The following PFDN6 variants were observed in gnomAD, a reference collection of about 807,000 sequenced individuals.
PFDN6 encodes the protein HLA class II region expressed gene KE2.
Under a neutral mutation model 19.3 loss-of-function variants are expected in PFDN6, and 5 were observed. The ratio of observed to expected loss-of-function variants is 0.26; its 90% CI spans 0.14 to 0.55. The LOEUF (loss-of-function observed/expected upper bound fraction) is 0.55. PFDN6 is among the 20% of genes least tolerant of loss of function. The pLI is 0.94. For synonymous variants in PFDN6, 51 were observed against 63.4 expected, an observed-to-expected ratio of 0.80 and a Z score of 0.93; for missense variants, 101 against 149.4, an observed-to-expected ratio of 0.68 and a Z score of 1.69.
Position 33,289,929 on chromosome 6 carries a change from A to T in PFDN6, c.64+9A>T. 6.2e-7 allele frequency: 1 copy of T among 1,603,910 alleles called. No homozygotes were observed. The highest frequency in any genetic ancestry group is 8.5e-7 in the Non-Finnish European group (1 of 1,174,510). ...TCAACAGCTACAGAAGGGTAAGGGA[A>T]CAGGGTCGGTATGGTCTCGCCCAAT... On this transcript the variant is annotated intron_variant, in intron 1 of 3. Coordinates refer to ENST00000374606, the MANE Select transcript of PFDN6 (RefSeq NM_001185181.3).
At position 33,289,939 on chromosome 6, in the gene PFDN6, T is replaced by C. The variant is rs1265991387; in HGVS notation, c.64+19T>C. 6.3e-7 allele frequency: 1 copy of C among 1,594,500 alleles called. No homozygotes were observed. Among genetic ancestry groups the C allele is most frequent in the South Asian group, 1.1e-5 (1 of 88,972 alleles). Reference sequence around the variant, plus strand: ...CAGAAGGGTAAGGGAACAGGGTCGGTATGGTCTCGCCCAATGCACTTACAA... The same window carrying C: ...CAGAAGGGTAAGGGAACAGGGTCGGCATGGTCTCGCCCAATGCACTTACAA... On this transcript the variant is annotated intron_variant, in intron 1 of 3. Coordinates refer to ENST00000374606, the MANE Select transcript of PFDN6 (RefSeq NM_001185181.3).
Position 33,290,630 on chromosome 6 carries a change from ACCT to A in PFDN6, c.261-85_261-83del. 1.3e-5 allele frequency: 20 copies of A among 1,534,972 alleles called. No homozygotes were observed. The South Asian group carries it at 2.4e-4, about 18-fold the overall frequency. On this transcript the variant is annotated intron_variant, in intron 3 of 3. Coordinates refer to ENST00000374606, the MANE Select transcript of PFDN6 (RefSeq NM_001185181.3). ...CCCTCCCCTGGATCTCAAGTTTTCC[ACCT>A]ATCTCTTTCTTGCGTTTAGCACTCT...
Position 33,289,620 on chromosome 6 carries a change from C to A in PFDN6, c.-237C>A, listed in dbSNP as rs957408946. On this transcript the variant is annotated 5_prime_UTR_variant, in exon 1 of 4. Coordinates refer to ENST00000374606, the MANE Select transcript of PFDN6 (RefSeq NM_001185181.3). ...GGGTTTATTACTACTGAAGGAAGAA[C>A]GTGAGTAGGTTAGGATTTCGGTTGA... 3.4e-6 allele frequency: 2 copies of A among 583,464 alleles called. No homozygotes were observed. The highest frequency in any genetic ancestry group is 5.3e-6 in the Non-Finnish European group (2 of 375,622). 36.1% of individuals were successfully genotyped at this position (583,464 alleles called of 1,614,324 possible). A position where few individuals can be genotyped will look rare whatever the true frequency, so the allele number is the denominator to read the frequency against.
Position 33,289,628 on chromosome 6 carries a change from G to A in PFDN6, c.-229G>A, listed in dbSNP as rs1371707445. 3.4e-6 allele frequency: 2 copies of A among 581,062 alleles called. No homozygotes were observed. The highest frequency in any genetic ancestry group is 5.4e-6 in the Non-Finnish European group (2 of 370,866). The allele number at this position is 581,062 out of a possible 1,614,324, so 36.0% of individuals were successfully genotyped here. A position where few individuals can be genotyped will look rare whatever the true frequency, so the allele number is the denominator to read the frequency against. On this transcript the variant is annotated 5_prime_UTR_variant, in exon 1 of 4. Transcript: ENST00000374606. ...TACTACTGAAGGAAGAACGTGAGTA[G>A]GTTAGGATTTCGGTTGAGAGGCTTG...
intron 3 of PFDN6, 71 bp downstream of exon 3, chr6:33,290,521 AC>A: frequency 2.0e-6 from 3 of 1,516,876 alleles, no homozygotes; most frequent in Middle Eastern, 2.2e-4. Context: ...GAGGTGTTGA[AC>A]CATTGCAGAA....
In PFDN6 at chr6:33,290,892, C is replaced by T. The variant is rs1463871219; in HGVS notation, c.*47C>T. The T allele has an allele frequency of 3.3e-6, 5 of 1,526,978 alleles. No homozygotes were observed. The highest frequency in any genetic ancestry group is 2.0e-4 in the Middle Eastern group (1 of 4,980). The allele number at this position is 1,526,978 out of a possible 1,614,324, so 94.6% of individuals were successfully genotyped here. ...GGGGAGGGGAGGGAATGAGGCAGCT[C>T]TAGGATCTATACTGTAGCTAATAAA... is the stretch of plus-strand genomic sequence containing the variant. On this transcript the variant is annotated 3_prime_UTR_variant, in exon 4 of 4. Transcript: ENST00000374606.
chr6:33,289,592 TC>T (rs749106941), upstream of PFDN6: 22 of 669,158 alleles, frequency 3.3e-5, no homozygotes, highest in Non-Finnish European at 4.8e-5. Flanking sequence ...CTTGTTTACT[TC>T]CGGGTTTATT....
chr6:33,290,189 T>C lies in PFDN6; in HGVS notation c.80T>C (p.Met27Thr), dbSNP rs1325615331. The C allele has an allele frequency of 6.2e-7, 1 of 1,614,080 alleles. No homozygotes were observed. Among genetic ancestry groups the C allele is most frequent in the Non-Finnish European group, 8.5e-7 (1 of 1,180,040 alleles). The change falls in exon 2 of 4, where the codon ATG becomes ACG. Residue 27 changes from methionine to threonine, a missense_variant. Physicochemically the swap from Met to Thr is moderately conservative, Grantham distance 81 (BLOSUM62 -1). Around this residue, in one of 2 missense-constraint regions of PFDN6, gnomAD observed 54 missense variants for 108.8 expected, o/e 0.50. Coordinates refer to ENST00000374606, the MANE Select transcript of PFDN6 (RefSeq NM_001185181.3). The part of the protein sequence containing the change: ...QQLQKDLSKS[M>T]SGRQKLEAQL... Reference sequence around the variant, plus strand: ...TCATCCCCAGACTTAAGTAAATCCATGTCGGGGAGGCAGAAACTTGAAGCA... The same window carrying C: ...TCATCCCCAGACTTAAGTAAATCCACGTCGGGGAGGCAGAAACTTGAAGCA...
rs1008084563 is a variant in PFDN6 at position 33,290,398 on chromosome 6, G to A, written c.208G>A (p.Gly70Arg). Residue 70 changes from glycine (G) to arginine (R), a missense_variant, in exon 3 of 4, where the codon GGG becomes AGG. Around this residue, in one of 2 missense-constraint regions of PFDN6, gnomAD observed 54 missense variants for 108.8 expected, o/e 0.50. Coordinates refer to ENST00000374606, the MANE Select transcript of PFDN6 (RefSeq NM_001185181.3). Reference sequence around the variant, plus strand: ...TCCGGTGCTAGTCAAACAGGAGCTGGGGGAGGCTCGGGCCACAGTAGGGAA... The same window carrying A: ...TCCGGTGCTAGTCAAACAGGAGCTGAGGGAGGCTCGGGCCACAGTAGGGAA... ...LGPVLVKQEL[G>R]EARATVGKRL... The A allele has an allele frequency of 6.2e-7, 1 of 1,603,816 alleles. No homozygotes were observed. The highest frequency in any genetic ancestry group is 8.5e-7 in the Non-Finnish European group (1 of 1,174,746).
rs1767202267 is a variant in PFDN6 at position 33,290,195 on chromosome 6, G to C, written c.86G>C (p.Gly29Ala). 3.7e-6 allele frequency: 6 copies of C among 1,614,192 alleles called. No homozygotes were observed. The East Asian group carries it at 1.3e-4, about 36-fold the overall frequency. The change falls in exon 2 of 4, where the codon GGG becomes GCG. Residue 29 changes from glycine (G) to alanine (A), a missense_variant. Physicochemically the swap from Gly to Ala is moderately conservative, Grantham distance 60 (BLOSUM62 0). Coordinates refer to ENST00000374606, the MANE Select transcript of PFDN6 (RefSeq NM_001185181.3). ...LQKDLSKSMS[G>A]RQKLEAQLTE... ...CCAGACTTAAGTAAATCCATGTCGG[G>C]GAGGCAGAAACTTGAAGCACAACTA...
At chr6:33,289,409 A>C, upstream of PFDN6, 7 of 1,308,470 alleles carry the variant, frequency 5.3e-6, no homozygotes, top group Non-Finnish European at 6.8e-6. Context: ...GCAGGTCCGG[A>C]GCCAGGGGCT....
chr6:33,290,010 T>C, intron 1 of PFDN6, 90 bp downstream of exon 1: 1 of 1,360,068 alleles, frequency 7.4e-7, no homozygotes, highest in Non-Finnish European at 1.0e-6. Flanking sequence ...ATCTGGGCCC[T>C]CGCGTGCAGA....
In PFDN6 at chr6:33,290,803, G is replaced by A; in HGVS notation, c.348G>A (p.Gln116=). The A allele has an allele frequency of 6.2e-7, 1 of 1,605,148 alleles. No individual in the cohort carries two copies. The highest frequency in any genetic ancestry group is 1.1e-5 in the South Asian group (1 of 91,036). Residue 116 remains glutamine, a synonymous_variant, in exon 4 of 4, where the codon CAG becomes CAA. Coordinates refer to ENST00000374606, the MANE Select transcript of PFDN6 (RefSeq NM_001185181.3). ...TTGCTCAGCTGCAGCAGGAGTTCCA[G>A]CGGGCCCAGGCAGCAAAGGCAGGGG... ...ETLAQLQQEF[Q]RAQAAKAGAP... is the part of the protein sequence containing the mutation.
rs952153281 is a variant in PFDN6, at chr6:33,290,929, C to T, written c.*84C>T. Reference sequence around the variant, plus strand: ...CTGTAGCTAATAAAATGTAAAAACACCTGGCTCTGTTTCCTGACCAGGCAC... The same window carrying T: ...CTGTAGCTAATAAAATGTAAAAACATCTGGCTCTGTTTCCTGACCAGGCAC... On this transcript the variant is annotated 3_prime_UTR_variant, in exon 4 of 4. Transcript: ENST00000374606. The T allele has an allele frequency of 4.5e-6, 6 of 1,327,950 alleles. No individual in the cohort carries two copies. The highest frequency in any genetic ancestry group is 6.2e-6 in the Non-Finnish European group (6 of 974,070). 82.3% of individuals were successfully genotyped at this position (1,327,950 alleles called of 1,614,324 possible).
chr6:33,290,626 T>G, intron 3 of PFDN6, 90 bp from the exon 4 acceptor site: 1 of 1,531,614 alleles, frequency 6.5e-7, no homozygotes, highest in South Asian at 1.2e-5. Flanking sequence ...ATCTCAAGTT[T>G]TCCACCTATC....
In PFDN6 at chr6:33,289,823, C is replaced by T. The variant is rs762890688; in HGVS notation, c.-34C>T. On this transcript the variant is annotated 5_prime_UTR_variant, in exon 1 of 4. Coordinates refer to ENST00000374606, the MANE Select transcript of PFDN6 (RefSeq NM_001185181.3). ...CTTCCAGAGAGTGAGACCCAGCGCC[C>T]TTGTCTCGCACCCAGTAGGCTTTCA... The T allele has an allele frequency of 1.9e-5, 29 of 1,551,168 alleles. No homozygotes were observed. The South Asian group carries it at 3.1e-4, about 17-fold the overall frequency.
At chr6:33,290,597 C>T (rs1767262719) in intron 3 of PFDN6, 119 bp from the exon 4 acceptor site, 3 of 1,475,336 alleles carry the variant, frequency 2.0e-6, no homozygotes, top group Admixed American at 2.0e-5. Flanking sequence ...TTTAACCCCC[C>T]TTCTTCTCCC....
Position 33,289,722 on chromosome 6 carries a change from T to C in PFDN6, c.-135T>C. ...TCGATATCCGGGACGGGGGGGAGGT[T>C]GCGGTGCCCCTCAGGGCTACCTCTC... On this transcript the variant is annotated 5_prime_UTR_variant, in exon 1 of 4. Coordinates refer to ENST00000374606, the MANE Select transcript of PFDN6 (RefSeq NM_001185181.3). 1.5e-6 allele frequency: 1 copy of C among 666,286 alleles called. No individual in the cohort carries two copies. The highest frequency in any genetic ancestry group is 2.9e-5 in the South Asian group (1 of 34,300). 41.3% of individuals were successfully genotyped at this position (666,286 alleles called of 1,614,324 possible).
chr6:33,289,702 A>C lies in PFDN6; in HGVS notation c.-155A>C. The C allele has an allele frequency of 1.6e-6, 1 of 607,338 alleles. No homozygotes were observed. Among genetic ancestry groups the C allele is most frequent in the South Asian group, 3.2e-5 (1 of 31,622 alleles). The allele number at this position is 607,338 out of a possible 1,614,324, so 37.6% of individuals were successfully genotyped here. On this transcript the variant is annotated 5_prime_UTR_variant, in exon 1 of 4. Coordinates refer to ENST00000374606, the MANE Select transcript of PFDN6 (RefSeq NM_001185181.3). ...CTCCTGGGGACAGGGTGGAGTCGATATCCGGGACGGGGGGGAGGTTGCGGT... is the reference window on the plus strand; with the variant it reads ...CTCCTGGGGACAGGGTGGAGTCGATCTCCGGGACGGGGGGGAGGTTGCGGT...
Sources: allele counts gnomAD v4.1 joint callset, GRCh38; gene constraint gnomAD v4.1.1; regional missense constraint gnomAD v4.1.1; transcripts MANE v1.5; gene names NCBI Gene and HGNC (gene_info 2026-07-23, HGNC 2026-07-21).